The following IMMP1L variants were observed in gnomAD, a reference collection of about 807,000 sequenced individuals.
The protein encoded by IMMP1L is mitochondrial inner membrane protease subunit 1.
IMMP1L carries 24 observed loss-of-function variants against 21.8 expected under a neutral mutation model. That is an observed-to-expected ratio of 1.10 (90% CI 0.80 to 1.55). The LOEUF (loss-of-function observed/expected upper bound fraction) is 1.55. Ranked by LOEUF, IMMP1L falls within the 40% of genes most tolerant of loss-of-function variation. The probability of loss-of-function intolerance (pLI) is 0.00; values close to 1 mark genes in which losing one functional copy is unlikely to be tolerated. For synonymous variants in IMMP1L, 46 were observed against 62.8 expected (o/e 0.73, Z 1.26); for missense variants, 195 against 200.7 (o/e 0.97, Z 0.17).
intron 1 of IMMP1L, among the ~76,000 whole-genome samples, chr11:31,508,705 A>C (rs181139974): frequency 1.3e-5 from 2 of 152,238 alleles, no homozygotes; most frequent in Admixed American, 6.5e-5. Flanking sequence ...GTCAAAGTCA[A>C]TAACTCAGTA....
At chr11:31,461,951 T>C (rs1954154446) in intron 2 of IMMP1L, among the ~76,000 whole-genome samples, 1 of 151,982 alleles carries the variant, frequency 6.6e-6, no homozygotes, top group African/African-American at 2.4e-5. Context: ...CAGGCAGAAA[T>C]AGGAGGAAAT....
At chr11:31,497,451 ATTTCT>A (rs1169405208) in intron 1 of IMMP1L, among the ~76,000 whole-genome samples, 1 of 142,164 alleles carries the variant, frequency 7.0e-6, no homozygotes, top group Non-Finnish European at 1.5e-5. Context: ...TGGGTACAAT[ATTTCT>A]TTTCTTTTTT....
intron 4 of IMMP1L, among the ~76,000 whole-genome samples, chr11:31,449,495 C>G (rs1953666863): frequency 6.6e-6 from 1 of 152,110 alleles, no homozygotes. Context: ...TTTTCTAATA[C>G]ACGGTAAAAC....
intron 3 of IMMP1L, among the ~76,000 whole-genome samples, chr11:31,456,969 T>C: frequency 2.1e-5 from 1 of 46,566 alleles, no homozygotes; most frequent in African/African-American, 7.7e-5. Context: ...AAAAAAACCC[T>C]CCACACAATT....
chr11:31,465,788 T>C (rs1180380779), intron 1 of IMMP1L, among the ~76,000 whole-genome samples: 1 of 151,984 alleles, frequency 6.6e-6, no homozygotes, highest in Non-Finnish European at 1.5e-5. Context: ...TATATAAAAA[T>C]CAACTTAAAA....
At chr11:31,448,919 C>T in intron 4 of IMMP1L, 11 of 984,282 alleles carry the variant, frequency 1.1e-5, no homozygotes, top group Non-Finnish European at 1.3e-5. Context: ...ATTGTGTTAG[C>T]TATAGAATGA....
chr11:31,502,207 C>T (rs1955644042), intron 1 of IMMP1L, among the ~76,000 whole-genome samples: 1 of 152,082 alleles, frequency 6.6e-6, no homozygotes, highest in Non-Finnish European at 1.5e-5. Flanking sequence ...AATGCTATCA[C>T]ATTTGAAAGT....
chr11:31,468,035 T>C (rs1312644159), intron 1 of IMMP1L, among the ~76,000 whole-genome samples: 1 of 152,078 alleles, frequency 6.6e-6, no homozygotes, highest in African/African-American at 2.4e-5. Flanking sequence ...ACTTAAAAAG[T>C]ATAAATTTAA....
intron 4 of IMMP1L, among the ~76,000 whole-genome samples, chr11:31,448,391 C>T (rs1470679662): frequency 6.6e-6 from 1 of 152,184 alleles, no homozygotes; most frequent in Non-Finnish European, 1.5e-5. Flanking sequence ...TCCTTACTAC[C>T]AACAGAGTTT....
intron 1 of IMMP1L, among the ~76,000 whole-genome samples, chr11:31,501,992 G>A (rs1339090056): frequency 6.6e-6 from 1 of 150,892 alleles, no homozygotes; most frequent in African/African-American, 2.4e-5. Flanking sequence ...AAAAGAAAAA[G>A]AAAAAGAAAT....
intron 2 of IMMP1L, among the ~76,000 whole-genome samples, chr11:31,462,321 A>AC (rs1170894361): frequency 7.5e-6 from 1 of 133,072 alleles, no homozygotes; most frequent in Non-Finnish European, 1.5e-5. Flanking sequence ...GTCTCCAAAA[A>AC]AAAAAAAAAA....
At chr11:31,434,651 T>C (rs1027680955) in intron 4 of IMMP1L, among the ~76,000 whole-genome samples, 1 of 152,188 alleles carries the variant, frequency 6.6e-6, no homozygotes, top group Non-Finnish European at 1.5e-5. Flanking sequence ...TATACAAGAA[T>C]GTAAAATTTG....
chr11:31,479,954 G>A (rs1954839399), intron 1 of IMMP1L, among the ~76,000 whole-genome samples: 1 of 151,960 alleles, frequency 6.6e-6, no homozygotes. Flanking sequence ...GTTTAAGGAT[G>A]GTGGTGAAAG....
chr11:31,433,597 C>T (rs1380879485), intron 4 of IMMP1L, 27 bp from the exon 5 acceptor site: 1 of 1,436,722 alleles, frequency 7.0e-7, no homozygotes, highest in Admixed American at 1.7e-5. Flanking sequence ...AATGCAGCCT[C>T]TTAAAGATAA....
intron 4 of IMMP1L, among the ~76,000 whole-genome samples, chr11:31,441,717 A>G (rs1453561832): frequency 1.3e-5 from 2 of 152,190 alleles, no homozygotes; most frequent in African/African-American, 4.8e-5. Flanking sequence ...ATAAAATATG[A>G]AGAGGATAAA....
intron 1 of IMMP1L, among the ~76,000 whole-genome samples, chr11:31,491,009 C>G (rs1372660319): frequency 6.6e-6 from 1 of 152,094 alleles, no homozygotes; most frequent in African/African-American, 2.4e-5. Flanking sequence ...AGGATGCCCC[C>G]CTAGAGTTTT....
chr11:31,435,507 C>G (rs1435906342), intron 4 of IMMP1L, among the ~76,000 whole-genome samples: 1 of 152,018 alleles, frequency 6.6e-6, no homozygotes. Context: ...GTTTTTGCCG[C>G]AAAATACATT....
chr11:31,477,975 C>G (rs536019074), intron 1 of IMMP1L, among the ~76,000 whole-genome samples: 1 of 152,216 alleles, frequency 6.6e-6, no homozygotes, highest in Non-Finnish European at 1.5e-5. Context: ...ATTCTGCTGT[C>G]TATCTCTGCT....
intron 4 of IMMP1L, 36 bp downstream of exon 4, chr11:31,456,224 T>A: frequency 2.1e-6 from 3 of 1,460,708 alleles, no homozygotes; most frequent in Non-Finnish European, 2.8e-6. Flanking sequence ...TAATCAATTA[T>A]GACACCAAAA....
Sources: allele counts gnomAD v4.1 joint callset (sites outside exome capture counted in the v4.1 genomes callset), GRCh38; gene constraint gnomAD v4.1.1; transcripts MANE v1.5; gene names NCBI Gene and HGNC (gene_info 2026-07-23, HGNC 2026-07-21).